The following HPSE2 variants were observed in gnomAD, a reference collection of about 807,000 sequenced individuals.
The protein encoded by HPSE2 is inactive heparanase-2.
A neutral mutation model predicts 60.5 loss-of-function variants in HPSE2; 38 were observed. The ratio of observed to expected loss-of-function variants is 0.63; its 90% CI spans 0.48 to 0.82. The LOEUF is 0.82. Among genes scored for constraint, HPSE2 ranks in the 40% least tolerant of loss-of-function variants. HPSE2 has a pLI of 0.00. For synonymous variants in HPSE2, 295 were observed against 293.2 expected (o/e 1.01, Z -0.06); for missense variants, 713 against 740.4 (o/e 0.96, Z 0.43).
At chr10:99,156,596 T>G (rs906434190) in intron 2 of HPSE2, among the ~76,000 whole-genome samples, 2 of 121,750 alleles carry the variant, frequency 1.6e-5, no homozygotes, top group Non-Finnish European at 3.8e-5. Context: ...TGATGGGACG[T>G]ATTTCAAAAT....
intron 3 of HPSE2, among the ~76,000 whole-genome samples, chr10:99,060,048 A>C (rs962448382): frequency 2.4e-4 from 37 of 152,096 alleles, no homozygotes; most frequent in South Asian, 8.3e-4. Flanking sequence ...ATCTCCCCAC[A>C]CACACACACA....
intron 3 of HPSE2, among the ~76,000 whole-genome samples, chr10:98,852,552 G>T (rs547700105): frequency 1.3e-5 from 2 of 152,290 alleles, no homozygotes; most frequent in Admixed American, 1.3e-4. Context: ...CAAGAGAAAA[G>T]AATGCTATAC....
intron 9 of HPSE2, among the ~76,000 whole-genome samples, chr10:98,495,890 T>C (rs1941820500): frequency 6.6e-6 from 1 of 152,234 alleles, no homozygotes. Flanking sequence ...TATGGATTTA[T>C]TTATTTTTTT....
chr10:98,564,690 T>G (rs1458874951), intron 9 of HPSE2, among the ~76,000 whole-genome samples: 1 of 152,242 alleles, frequency 6.6e-6, no homozygotes, highest in Non-Finnish European at 1.5e-5. Flanking sequence ...CAAGGCAGTT[T>G]AGTTAAACTA....
chr10:99,114,468 G>T (rs1038582159), intron 3 of HPSE2, among the ~76,000 whole-genome samples: 1 of 152,082 alleles, frequency 6.6e-6, no homozygotes, highest in Non-Finnish European at 1.5e-5. Context: ...TTTAACAAAG[G>T]AAGATGAAAA....
chr10:98,878,021 A>G (rs1351195917), intron 3 of HPSE2, among the ~76,000 whole-genome samples: 1 of 151,936 alleles, frequency 6.6e-6, no homozygotes, highest in African/African-American at 2.4e-5. Flanking sequence ...TAATTCCAAG[A>G]GAAATTATGT....
the HPSE2 span, among the ~76,000 whole-genome samples, chr10:99,282,330 G>C: frequency 6.6e-6 from 1 of 152,028 alleles, no homozygotes; most frequent in Admixed American, 6.6e-5. Context: ...AACTCATCAA[G>C]ATATAACAAT....
chr10:98,921,322 C>T (rs1564657441), intron 3 of HPSE2, among the ~76,000 whole-genome samples: 1 of 152,128 alleles, frequency 6.6e-6, no homozygotes. Flanking sequence ...TTTATCTACA[C>T]TGAAGAAACC....
chr10:98,919,584 A>T, intron 3 of HPSE2, among the ~76,000 whole-genome samples: 1 of 152,320 alleles, frequency 6.6e-6, no homozygotes, highest in Middle Eastern at 3.4e-3. Flanking sequence ...ATACATTTTA[A>T]ATATATTCAA....
At chr10:98,665,155 G>A (rs1947328896) in intron 6 of HPSE2, among the ~76,000 whole-genome samples, 1 of 152,122 alleles carries the variant, frequency 6.6e-6, no homozygotes, top group Non-Finnish European at 1.5e-5. Flanking sequence ...AATATAATCA[G>A]AACCACTAAC....
chr10:99,064,167 G>A (rs535868775), intron 3 of HPSE2, among the ~76,000 whole-genome samples: 2 of 152,198 alleles, frequency 1.3e-5, no homozygotes, highest in African/African-American at 4.8e-5. Flanking sequence ...CAGGGAAACA[G>A]GGTTAGATAA....
the HPSE2 span, among the ~76,000 whole-genome samples, chr10:99,299,290 T>G: frequency 6.6e-6 from 1 of 151,846 alleles, no homozygotes; most frequent in Non-Finnish European, 1.5e-5. Context: ...CTACTAGGAG[T>G]GGGGCCCCAG....
At chr10:99,130,869 T>C (rs933279605) in intron 3 of HPSE2, among the ~76,000 whole-genome samples, 2 of 152,096 alleles carry the variant, frequency 1.3e-5, no homozygotes, top group Admixed American at 6.6e-5. Context: ...GGGAGTCAGC[T>C]TGCACAAGTT....
chr10:98,693,982 T>C, intron 5 of HPSE2, 35 bp from the exon 6 acceptor site: 1 of 1,463,304 alleles, frequency 6.8e-7, no homozygotes, highest in Non-Finnish European at 9.4e-7. Flanking sequence ...ATATTACAAC[T>C]TAGATTAAAC....
chr10:98,886,592 G>A (rs1267874286), intron 3 of HPSE2, among the ~76,000 whole-genome samples: 4 of 152,068 alleles, frequency 2.6e-5, no homozygotes, highest in African/African-American at 9.7e-5. Context: ...TCAAAGGAGA[G>A]AGAGAAAAGA....
chr10:98,635,710 A>C (rs1201711015), intron 7 of HPSE2, among the ~76,000 whole-genome samples: 1 of 151,818 alleles, frequency 6.6e-6, no homozygotes, highest in Non-Finnish European at 1.5e-5. Flanking sequence ...TGAGCCCAGG[A>C]ATTTAAGGCT....
At chr10:98,998,926 C>T (rs1178487368) in intron 3 of HPSE2, among the ~76,000 whole-genome samples, 4 of 152,074 alleles carry the variant, frequency 2.6e-5, no homozygotes, top group South Asian at 2.1e-4. Context: ...CAATTCTGCC[C>T]GAAGGGCAAG....
chr10:99,177,836 T>C (rs528967994), intron 2 of HPSE2, among the ~76,000 whole-genome samples: 16 of 152,200 alleles, frequency 1.1e-4, no homozygotes, highest in Admixed American at 6.6e-4. Context: ...CAGCACCACA[T>C]CGCACTTATT....
At chr10:99,093,353 G>C (rs1462003404) in intron 3 of HPSE2, among the ~76,000 whole-genome samples, 1 of 151,636 alleles carries the variant, frequency 6.6e-6, no homozygotes. Context: ...AAAAAAACTA[G>C]TAACATTGAC....
Sources: gnomAD v4.1 joint callset for allele counts (sites outside exome capture counted in the v4.1 genomes callset) on GRCh38, gnomAD v4.1.1 for gene constraint, MANE v1.5 for transcripts, NCBI Gene and HGNC (gene_info 2026-07-23, HGNC 2026-07-21) for gene names.